The following ADAMTS9 variants were observed in gnomAD, a reference collection of about 807,000 sequenced individuals.
ADAMTS9 encodes A disintegrin and metalloproteinase with thrombospondin motifs 9.
In ADAMTS9, 107 loss-of-function variants were observed where a neutral mutation model predicts 257.1. The observed-to-expected ratio is 0.42, with a 90% CI of 0.36 to 0.49. ADAMTS9 has a LOEUF of 0.49. ADAMTS9 is among the 20% of genes least tolerant of loss of function. The pLI is 0.03. For missense variants in ADAMTS9, 2,353 were observed against 2,469.1 expected, an observed-to-expected ratio of 0.95 and a Z score of 1.00; for synonymous variants, 982 against 880.9, an observed-to-expected ratio of 1.11 and a Z score of -2.03.
chr3:64,584,213 G>A (rs1031985533), intron 28 of ADAMTS9: 3 of 152,176 alleles, frequency 2.0e-5, no homozygotes, highest in East Asian at 1.9e-4. Flanking sequence ...GATAGCAGTC[G>A]ATTAAGAAAA....
At chr3:64,667,151 G>A (rs970511283) in intron 3 of ADAMTS9, among the ~76,000 whole-genome samples, 4 of 152,124 alleles carry the variant, frequency 2.6e-5, no homozygotes, top group Non-Finnish European at 4.4e-5. Context: ...ACTTTGGGCT[G>A]GCCTGAACCT....
Position 64,548,266 on chromosome 3 carries a change from G to A in ADAMTS9, c.4870-1314C>T, listed in dbSNP as rs555704987. Reference sequence around the variant, plus strand: ...AGAGAACAAGTCCAGCTAGAGGCACGCAGAGCATCCCTAGGCCTTCCCTTC... The same window carrying A: ...AGAGAACAAGTCCAGCTAGAGGCACACAGAGCATCCCTAGGCCTTCCCTTC... On this transcript the variant is annotated intron_variant, in intron 31 of 39. Transcript: ENST00000498707. Among the ~76,000 whole-genome samples, 7 of 152,270 alleles carry A rather than the reference G, an allele frequency of 4.6e-5. No homozygotes were observed. The South Asian group carries it at 6.2e-4, about 14-fold the overall frequency.
intron 8 of ADAMTS9, 123 bp from the exon 9 acceptor site, chr3:64,651,286 G>A: frequency 1.4e-6 from 1 of 709,180 alleles, no homozygotes; most frequent in Non-Finnish European, 2.2e-6. Flanking sequence ...ATAAGAACCT[G>A]AACCCTGGTA....
At chr3:64,667,125 A>T (rs1337823519) in intron 3 of ADAMTS9, among the ~76,000 whole-genome samples, 1 of 152,162 alleles carries the variant, frequency 6.6e-6, no homozygotes, top group Admixed American at 6.5e-5. Context: ...GGCAGAAGAG[A>T]TTGTGGCTAA....
chr3:64,544,722 A>G (rs2106918428), intron 32 of ADAMTS9, among the ~76,000 whole-genome samples: 1 of 152,336 alleles, frequency 6.6e-6, no homozygotes, highest in Non-Finnish European at 1.5e-5. Context: ...TTCATGACTA[A>G]AACACCAAAA....
intron 3 of ADAMTS9, among the ~76,000 whole-genome samples, chr3:64,675,717 T>G (rs942602253): frequency 2.0e-5 from 3 of 152,166 alleles, no homozygotes; most frequent in Non-Finnish European, 4.4e-5. Flanking sequence ...GGAAATAGAT[T>G]GGGTTAAGGC....
intron 22 of ADAMTS9, among the ~76,000 whole-genome samples, chr3:64,612,283 C>G (rs1168611699): frequency 1.3e-5 from 2 of 152,126 alleles, no homozygotes; most frequent in African/African-American, 4.8e-5. Flanking sequence ...CCTGTCAATT[C>G]TAACAGATGT....
At position 64,622,337 on chromosome 3, in the gene ADAMTS9, G is replaced by A. The variant is rs1273636796; in HGVS notation, c.2557-10C>T. ...TTCCCACCGACAAAACCTAGAATGT[G>A]TGGACAAAACAGAAACGAACTGGGT... is the stretch of plus-strand genomic sequence containing the variant. On this transcript the variant is annotated splice_polypyrimidine_tract_variant and intron_variant, in intron 17 of 39. Transcript: ENST00000498707. The A allele has an allele frequency of 1.2e-6, 2 of 1,613,536 alleles. No individual in the cohort carries two copies. Among genetic ancestry groups the A allele is most frequent in the Non-Finnish European group, 8.5e-7 (1 of 1,179,810 alleles).
chr3:64,687,762 G>T lies in ADAMTS9; in HGVS notation c.-105C>A. Reference sequence around the variant, plus strand: ...CGGCCGTGGAGAGCGCGCGGAGCCCGGCGCCCGCCGCCAACTTTTGACTTT... The same window carrying T: ...CGGCCGTGGAGAGCGCGCGGAGCCCTGCGCCCGCCGCCAACTTTTGACTTT... On this transcript the variant is annotated 5_prime_UTR_variant, in exon 1 of 40. Transcript: ENST00000498707. The surrounding 1 kb of genome is among the most constrained non-coding windows in gnomAD (Gnocchi z 4.4). 1.2e-6 allele frequency: 1 copy of T among 868,120 alleles called. No homozygotes were observed. The highest frequency in any genetic ancestry group is 2.3e-5 in the South Asian group (1 of 43,072). 53.8% of individuals were successfully genotyped at this position (868,120 alleles called of 1,614,324 possible).
At position 64,516,658 on chromosome 3, in the gene ADAMTS9, C is replaced by T. The variant is rs1295109450; in HGVS notation, c.*469G>A. On this transcript the variant is annotated 3_prime_UTR_variant, in exon 40 of 40. Transcript: ENST00000498707. The stretch of plus-strand genomic sequence containing the variant: ...TAACATACTTATTGGCTGATACTTG[C>T]CTAGAAATGCCAAAAATATCTTTTA... 1 of 152,522 alleles carries T rather than the reference C, an allele frequency of 6.6e-6. No homozygotes were observed. Among genetic ancestry groups the T allele is most frequent in the Non-Finnish European group, 1.5e-5 (1 of 68,024 alleles). 9.4% of individuals were successfully genotyped at this position (152,522 alleles called of 1,614,324 possible). A position where few individuals can be genotyped will look rare whatever the true frequency, so the allele number is the denominator to read the frequency against.
At chr3:64,543,121 T>A (rs2083148502) in intron 32 of ADAMTS9, among the ~76,000 whole-genome samples, 1 of 152,166 alleles carries the variant, frequency 6.6e-6, no homozygotes, top group Non-Finnish European at 1.5e-5. Flanking sequence ...GAGGCAATAA[T>A]TAATAGCCTA....
intron 10 of ADAMTS9, 114 bp downstream of exon 10, chr3:64,649,523 C>T (rs1700879050): frequency 8.0e-7 from 1 of 1,249,274 alleles, no homozygotes; most frequent in Non-Finnish European, 1.1e-6. Flanking sequence ...TGCAATTTTA[C>T]TCTCAGCTTT....
At chr3:64,568,075 A>G (rs1024349822) in intron 29 of ADAMTS9, among the ~76,000 whole-genome samples, 4 of 152,160 alleles carry the variant, frequency 2.6e-5, no homozygotes, top group Admixed American at 6.5e-5. Context: ...ATGCAATGCC[A>G]TCAGTGAAGT....
Position 64,621,097 on chromosome 3 carries a change from A to G in ADAMTS9, c.2813+17T>C, listed in dbSNP as rs747084793. ...TCACAATTCAGTAATAAAGGCCTTGAGAAAACAGTGGCCCACCTCAGGTCA... is the reference window on the plus strand; with the variant it reads ...TCACAATTCAGTAATAAAGGCCTTGGGAAAACAGTGGCCCACCTCAGGTCA... On this transcript the variant is annotated intron_variant, in intron 19 of 39. Transcript: ENST00000498707. The G allele has an allele frequency of 1.4e-5, 22 of 1,598,942 alleles. No individual in the cohort carries two copies. The highest frequency in any genetic ancestry group is 1.8e-5 in the Non-Finnish European group (21 of 1,174,080).
At chr3:64,568,661 C>A in intron 28 of ADAMTS9, 126 bp from the exon 29 acceptor site, 1 of 1,142,080 alleles carries the variant, frequency 8.8e-7, no homozygotes, top group Non-Finnish European at 1.3e-6. Context: ...TTTTACAGCG[C>A]CAGTTTGGAT....
At chr3:64,673,455 G>A (rs904862303) in intron 3 of ADAMTS9, among the ~76,000 whole-genome samples, 7 of 152,060 alleles carry the variant, frequency 4.6e-5, no homozygotes, top group African/African-American at 1.2e-4. Flanking sequence ...AGGGAAAAAG[G>A]GGCTATATGC....
intron 30 of ADAMTS9, among the ~76,000 whole-genome samples, chr3:64,557,770 A>T (rs2083359287): frequency 6.6e-6 from 1 of 152,238 alleles, no homozygotes. Context: ...ATTCAGAGTC[A>T]ACTTTTCAGA....
At chr3:64,598,844 TA>T (rs1559784889) in intron 26 of ADAMTS9, among the ~76,000 whole-genome samples, 1 of 152,120 alleles carries the variant, frequency 6.6e-6, no homozygotes, top group Non-Finnish European at 1.5e-5. Flanking sequence ...ATTGCCCCAG[TA>T]AAATGGCAGG....
intron 28 of ADAMTS9, among the ~76,000 whole-genome samples, chr3:64,586,172 G>A (rs1361440307): frequency 1.3e-5 from 2 of 152,118 alleles, no homozygotes; most frequent in Non-Finnish European, 2.9e-5. Context: ...CAACTTCTCT[G>A]ATGGTGCTGA....
Sources: allele counts gnomAD v4.1 joint callset (sites outside exome capture counted in the v4.1 genomes callset), GRCh38; gene constraint gnomAD v4.1.1; non-coding constraint Gnocchi (gnomAD v3.1); transcripts MANE v1.5; gene names NCBI Gene and HGNC (gene_info 2026-07-23, HGNC 2026-07-21).